The following TSHR variants were observed in gnomAD, a reference collection of about 807,000 sequenced individuals.
The protein encoded by TSHR is thyrotropin receptor.
In TSHR, 51 loss-of-function variants were observed where a neutral mutation model predicts 64.1. The observed-to-expected ratio is 0.80, with a 90% confidence interval of 0.64 to 1.01. The LOEUF is 1.01. Ranked by LOEUF, TSHR falls within the 50% of genes least tolerant of loss-of-function variation. The pLI is 0.00. For synonymous variants in TSHR, 361 were observed against 361.9 expected, an observed-to-expected ratio of 1.00 and a Z score of 0.03; for missense variants, 877 against 942.8, an observed-to-expected ratio of 0.93 and a Z score of 0.91.
At chr14:80,959,247 C>G (rs1295793905) in intron 1 of TSHR, among the ~76,000 whole-genome samples, 1 of 152,088 alleles carries the variant, frequency 6.6e-6, no homozygotes, top group Non-Finnish European at 1.5e-5. Flanking sequence ...GCCAGTGGAA[C>G]ATTCTAGAAT....
intron 1 of TSHR, among the ~76,000 whole-genome samples, chr14:81,032,135 T>C (rs1041331607): frequency 2.0e-5 from 3 of 152,146 alleles, no homozygotes; most frequent in African/African-American, 7.2e-5. Flanking sequence ...GTATGAGAAA[T>C]TGAACAAAGA....
chr14:81,039,124 A>G (rs1223409072), intron 1 of TSHR, among the ~76,000 whole-genome samples: 1 of 151,916 alleles, frequency 6.6e-6, no homozygotes, highest in African/African-American at 2.4e-5. Context: ...CCTCAACAAA[A>G]TACAAGCAAA....
intron 7 of TSHR, among the ~76,000 whole-genome samples, chr14:81,097,684 T>C (rs1889298844): frequency 6.6e-6 from 1 of 152,154 alleles, no homozygotes; most frequent in Non-Finnish European, 1.5e-5. Flanking sequence ...GATGTTCTGG[T>C]TTAGGGGTTA....
intron 1 of TSHR, chr14:80,982,698 G>T: frequency 1.1e-6 from 1 of 917,816 alleles, no homozygotes; most frequent in Non-Finnish European, 1.6e-6. Context: ...TTAGATCCCA[G>T]GCATCTAAGG....
intron 1 of TSHR, among the ~76,000 whole-genome samples, chr14:81,026,346 A>G (rs1337477774): frequency 1.3e-5 from 2 of 152,174 alleles, no homozygotes; most frequent in African/African-American, 4.8e-5. Flanking sequence ...ACTTGTGTGT[A>G]TGTGTGTGTG....
intron 8 of TSHR, among the ~76,000 whole-genome samples, chr14:81,126,841 T>G (rs1270479908): frequency 6.6e-6 from 1 of 152,232 alleles, no homozygotes; most frequent in Admixed American, 6.5e-5. Context: ...CTAGGCTCTG[T>G]GCTATTTTTA....
At chr14:81,136,454 A>G (rs1418840529) in intron 8 of TSHR, among the ~76,000 whole-genome samples, 1 of 152,184 alleles carries the variant, frequency 6.6e-6, no homozygotes, top group Non-Finnish European at 1.5e-5. Flanking sequence ...AATCAAGTGG[A>G]TGAGAGTGTC....
chr14:80,990,269 G>C (rs55945219), intron 1 of TSHR, among the ~76,000 whole-genome samples: 28,186 of 152,282 alleles, frequency 0.19, 3,230 homozygotes, highest in Admixed American at 0.28. Context: ...AATGTGGCAA[G>C]TGGTCTGTAC....
chr14:81,110,707 T>C (rs1220660205), intron 8 of TSHR, among the ~76,000 whole-genome samples: 1 of 152,236 alleles, frequency 6.6e-6, no homozygotes, highest in Non-Finnish European at 1.5e-5. Flanking sequence ...ATTAAAAACA[T>C]GTATTTAATT....
At chr14:81,041,174 A>G (rs1409190575) in intron 1 of TSHR, among the ~76,000 whole-genome samples, 1 of 152,180 alleles carries the variant, frequency 6.6e-6, no homozygotes, top group Non-Finnish European at 1.5e-5. Context: ...TACTAGGTAT[A>G]TACCCAAAGT....
intron 1 of TSHR, among the ~76,000 whole-genome samples, chr14:80,969,291 C>T (rs1887474479): frequency 6.6e-6 from 1 of 152,166 alleles, no homozygotes; most frequent in Non-Finnish European, 1.5e-5. Flanking sequence ...CTTTGTTGCA[C>T]CTTCTCTGCC....
At chr14:81,136,982 A>G (rs1034658461) in intron 8 of TSHR, among the ~76,000 whole-genome samples, 2 of 152,222 alleles carry the variant, frequency 1.3e-5, no homozygotes, top group Non-Finnish European at 2.9e-5. Flanking sequence ...CTCCAGACCC[A>G]AATGATACTT....
chr14:81,069,695 A>G (rs1414878912), intron 3 of TSHR, among the ~76,000 whole-genome samples: 1 of 152,190 alleles, frequency 6.6e-6, no homozygotes, highest in Non-Finnish European at 1.5e-5. Flanking sequence ...TGAGATCACT[A>G]AAGAGCTTCA....
Position 81,143,395 on chromosome 14 carries a change from T to A in TSHR, c.1337T>A (p.Leu446Gln). 6.2e-7 allele frequency: 1 copy of A among 1,614,214 alleles called. No individual in the cohort carries two copies. Among genetic ancestry groups the A allele is most frequent in the East Asian group, 2.2e-5 (1 of 44,878 alleles). The change falls in exon 10 of 10, where the codon CTG (leucine) becomes CAG (glutamine). Residue 446 changes from leucine to glutamine, a missense_variant. Leu to Gln is a moderately radical substitution (Grantham distance 113). Coordinates refer to ENST00000298171, the MANE Select transcript of TSHR (RefSeq NM_000369.5). ...LLILLTSHYK[L>Q]NVPRFLMCNL... ...ATTCTCCTCACCAGCCACTACAAAC[T>A]GAACGTCCCCCGCTTTCTCATGTGC...
At chr14:81,101,354 C>T (rs1477750365) in intron 7 of TSHR, among the ~76,000 whole-genome samples, 1 of 152,076 alleles carries the variant, frequency 6.6e-6, no homozygotes, top group Non-Finnish European at 1.5e-5. Context: ...CACTTAGCAT[C>T]CCAGATAGGG....
intron 1 of TSHR, among the ~76,000 whole-genome samples, chr14:81,025,596 T>A (rs1041745881): frequency 6.6e-6 from 1 of 152,206 alleles, no homozygotes; most frequent in African/African-American, 2.4e-5. Flanking sequence ...GACAATACAT[T>A]AAACTGGGAG....
At chr14:81,067,568 A>C (rs924962831) in intron 2 of TSHR, among the ~76,000 whole-genome samples, 1 of 148,110 alleles carries the variant, frequency 6.8e-6, no homozygotes, top group Non-Finnish European at 1.5e-5. Flanking sequence ...TGGCAGGTTC[A>C]ATTCAAACTA....
intron 1 of TSHR, among the ~76,000 whole-genome samples, chr14:80,984,621 G>A (rs1277510441): frequency 6.6e-6 from 1 of 152,112 alleles, no homozygotes; most frequent in Non-Finnish European, 1.5e-5. Context: ...TTGAGGCGAC[G>A]GCCTTCAAAG....
At chr14:81,063,332 G>T (rs1007222586) in intron 2 of TSHR, among the ~76,000 whole-genome samples, 3 of 151,630 alleles carry the variant, frequency 2.0e-5, no homozygotes, top group Non-Finnish European at 4.4e-5. Flanking sequence ...TGTATATTTT[G>T]TTCTAATTCC....
Sources: allele counts gnomAD v4.1 joint callset (sites outside exome capture counted in the v4.1 genomes callset), GRCh38; gene constraint gnomAD v4.1.1; transcripts MANE v1.5; gene names NCBI Gene and HGNC (gene_info 2026-07-23, HGNC 2026-07-21).